The following ASTN2 variants were observed in gnomAD, a reference collection of about 807,000 sequenced individuals.
ASTN2 encodes astrotactin-2.
A neutral mutation model predicts 139.8 loss-of-function variants in ASTN2; 54 were observed. The observed-to-expected ratio is 0.39, with a 90% CI of 0.31 to 0.48. ASTN2 has a LOEUF of 0.48. Among genes scored for constraint, ASTN2 ranks in the 20% least tolerant of loss-of-function variants. The probability of loss-of-function intolerance (pLI) is 0.95; values close to 1 mark genes in which losing one functional copy is unlikely to be tolerated. For missense variants in ASTN2, 1,565 were observed against 1,725.1 expected, an observed-to-expected ratio of 0.91 and a Z score of 1.64; for synonymous variants, 756 against 719.5, an observed-to-expected ratio of 1.05 and a Z score of -0.81.
chr9:116,565,408 T>A (rs1380705518), intron 19 of ASTN2, among the ~76,000 whole-genome samples: 2 of 114,120 alleles, frequency 1.8e-5, no homozygotes, highest in Admixed American at 9.1e-5. Context: ...TATATATATA[T>A]ATATATATAT....
rs983886753 is a variant in ASTN2 at position 117,219,692 on chromosome 9, T to A, written c.631-4950A>T. The stretch of plus-strand genomic sequence containing the variant: ...GTGATTTGTTTTTACCATCACCTTA[T>A]GAGAATTTCAAGAAGCTTTCAGGGA... On this transcript the variant is annotated intron_variant, in intron 2 of 22. Transcript: ENST00000313400. Among the ~76,000 whole-genome samples the A allele has an allele frequency of 2.6e-5, 4 of 152,184 alleles. No individual in the cohort carries two copies. In the South Asian group the frequency reaches 8.3e-4, roughly 32 times the overall value.
At chr9:117,199,157 T>C (rs947723334) in intron 3 of ASTN2, among the ~76,000 whole-genome samples, 2 of 152,236 alleles carry the variant, frequency 1.3e-5, no homozygotes, top group African/African-American at 4.8e-5. Flanking sequence ...TTGTCAATTT[T>C]GGCTTTTGTT....
chr9:116,601,473 G>C (rs1453652829), intron 19 of ASTN2, among the ~76,000 whole-genome samples: 1 of 152,116 alleles, frequency 6.6e-6, no homozygotes, highest in East Asian at 1.9e-4. Flanking sequence ...TTGAAAGGGA[G>C]GGAAAAGTGG....
At chr9:117,197,924 A>G (rs141258145) in intron 3 of ASTN2, among the ~76,000 whole-genome samples, 1,948 of 152,300 alleles carry the variant, frequency 0.013, 16 homozygotes, top group Non-Finnish European at 0.02. Context: ...TTGCTAATGA[A>G]AAATTAGTTG....
intron 3 of ASTN2, among the ~76,000 whole-genome samples, chr9:117,185,777 G>A (rs1831180741): frequency 6.6e-6 from 1 of 152,106 alleles, no homozygotes; most frequent in South Asian, 2.1e-4. Flanking sequence ...GCAGAGGTTA[G>A]GAAGCATAGA....
At chr9:117,405,314 A>T (rs1830951473) in intron 1 of ASTN2, among the ~76,000 whole-genome samples, 1 of 152,250 alleles carries the variant, frequency 6.6e-6, no homozygotes, top group African/African-American at 2.4e-5. Context: ...GCTTAGCTGT[A>T]TAATAGCTGT....
At chr9:116,607,720 C>T (rs1855285421) in intron 19 of ASTN2, among the ~76,000 whole-genome samples, 2 of 138,196 alleles carry the variant, frequency 1.4e-5, no homozygotes, top group Admixed American at 7.3e-5. Context: ...CACACACACA[C>T]ACACGCTGAA....
rs148127622 is a variant in ASTN2, at chr9:116,963,143, T to C, written c.1889+12065A>G. On this transcript the variant is annotated intron_variant, in intron 10 of 22. Transcript: ENST00000313400. ...CTGACCCTTACATCTGGAAAAAATA[T>C]TTTTGCAGCATGAACATAGCAATGA... is the stretch of plus-strand genomic sequence containing the variant. Among the ~76,000 whole-genome samples the C allele has an allele frequency of 3.3e-5, 5 of 152,270 alleles. No individual in the cohort carries two copies. In the East Asian group the frequency reaches 9.7e-4, roughly 29 times the overall value.
chr9:116,473,638 C>T (rs535264197), intron 20 of ASTN2, among the ~76,000 whole-genome samples: 1 of 152,362 alleles, frequency 6.6e-6, no homozygotes, highest in African/African-American at 2.4e-5. Flanking sequence ...TGGCTCATGC[C>T]TGTAATCCCA....
intron 20 of ASTN2, among the ~76,000 whole-genome samples, chr9:116,443,100 A>G (rs1054511831): frequency 6.6e-6 from 1 of 152,368 alleles, no homozygotes; most frequent in South Asian, 2.1e-4. Flanking sequence ...AAAATATACC[A>G]GAATAATGCA....
At chr9:116,869,836 G>A (rs1833110655) in intron 10 of ASTN2, among the ~76,000 whole-genome samples, 1 of 152,138 alleles carries the variant, frequency 6.6e-6, no homozygotes, top group South Asian at 2.1e-4. Context: ...GGGTGTAGTG[G>A]CTCATGCCTG....
At chr9:116,854,966 T>TC (rs199686260) in intron 11 of ASTN2, among the ~76,000 whole-genome samples, 6,326 of 150,234 alleles carry the variant, frequency 0.042, 387 homozygotes, top group African/African-American at 0.13. Flanking sequence ...TTCTCATTAT[T>TC]CCCCCCCCAC....
chr9:116,916,625 T>C (rs1195926188), intron 10 of ASTN2, among the ~76,000 whole-genome samples: 1 of 152,066 alleles, frequency 6.6e-6, no homozygotes, highest in Non-Finnish European at 1.5e-5. Context: ...GGTGGGCAGA[T>C]TGCTTGAGCT....
rs533799199 is a variant in ASTN2, at chr9:116,493,003, T to G, written c.3356-5503A>C. On this transcript the variant is annotated intron_variant, in intron 19 of 22. Transcript: ENST00000313400. ...TATACTAGCGGTCCATGTTTTTATT[T>G]AGTTTTTTACAAAACTGTTTATAAA... 3.9e-5 allele frequency among the ~76,000 whole-genome samples: 6 copies of G among 152,332 alleles called. No homozygotes were observed. The South Asian group carries it at 1.2e-3, about 32-fold the overall frequency.
At chr9:116,738,712 T>G (rs1370699653) in intron 13 of ASTN2, among the ~76,000 whole-genome samples, 1 of 152,134 alleles carries the variant, frequency 6.6e-6, no homozygotes, top group Admixed American at 6.5e-5. Context: ...AGAAACATGT[T>G]CAGAGAGGTT....
chr9:116,657,675 G>T (rs185778794), intron 16 of ASTN2, among the ~76,000 whole-genome samples: 1 of 152,192 alleles, frequency 6.6e-6, no homozygotes, highest in African/African-American at 2.4e-5. Flanking sequence ...ACCCCATGCC[G>T]ATGAAAAACA....
intron 3 of ASTN2, among the ~76,000 whole-genome samples, chr9:117,152,194 T>A (rs943721198): frequency 6.6e-6 from 1 of 152,140 alleles, no homozygotes; most frequent in African/African-American, 2.4e-5. Flanking sequence ...GATTAAGCAA[T>A]CAACTAATTA....
At chr9:117,293,275 G>A (rs1834640205) in intron 1 of ASTN2, among the ~76,000 whole-genome samples, 1 of 152,068 alleles carries the variant, frequency 6.6e-6, no homozygotes, top group Admixed American at 6.5e-5. Context: ...TTACTGCAAG[G>A]ACTCCTTAAC....
At chr9:116,512,301 G>C (rs1298214225) in intron 19 of ASTN2, among the ~76,000 whole-genome samples, 1 of 152,218 alleles carries the variant, frequency 6.6e-6, no homozygotes, top group Non-Finnish European at 1.5e-5. Flanking sequence ...TTTCCAGGTA[G>C]TTGAGTGGTT....
Sources: gnomAD v4.1 joint callset for allele counts (sites outside exome capture counted in the v4.1 genomes callset) on GRCh38, gnomAD v4.1.1 for gene constraint, MANE v1.5 for transcripts, NCBI Gene and HGNC (gene_info 2026-07-23, HGNC 2026-07-21) for gene names.